Variants in DSCAML1 observed in about 807,000 individuals in gnomAD.
The protein encoded by DSCAML1 is cell adhesion molecule DSCAML1.
In DSCAML1, 38 loss-of-function variants were observed where a neutral mutation model predicts 200.5. That is an observed-to-expected ratio of 0.19 (90% CI 0.15 to 0.25). DSCAML1 has a LOEUF of 0.25. DSCAML1 is among the 10% of genes least tolerant of loss of function. The pLI is 1.00. For missense variants in DSCAML1, 2,223 were observed against 2,858.8 expected (o/e 0.78, Z 5.07); for synonymous variants, 1,215 against 1,165.0 (o/e 1.04, Z -0.87).
rs1000091292 is a variant in DSCAML1, at chr11:117,480,482, T to A, written c.2746A>T (p.Ile916Phe). The change falls in exon 14 of 33, where the codon ATC (isoleucine) becomes TTC (phenylalanine). Residue 916 changes from isoleucine (I) to phenylalanine (F), a missense_variant. Physicochemically the swap from Ile to Phe is conservative, Grantham distance 21. This residue lies in a region of DSCAML1 where 438 missense variants were observed against 629.7 expected (regional missense o/e 0.70). Coordinates refer to ENST00000651296, the MANE Select transcript of DSCAML1 (RefSeq NM_020693.4). This position sits in a 1 kb window ranked among gnomAD's most constrained non-coding sequence, Gnocchi z 4.1. ...RWTQRFDGNS[I>F]ITGFDIEYKN... ...TATTCAATGTCGAAGCCCGTGATGA[T>A]GCTGTTCCCGTCGAATCGCTGGGTC... 5.6e-6 allele frequency: 9 copies of A among 1,613,390 alleles called. No individual in the cohort carries two copies. Among genetic ancestry groups the A allele is most frequent in the Non-Finnish European group, 7.6e-6 (9 of 1,179,760 alleles).
At chr11:117,451,814 CAA>C (rs10579506) in intron 19 of DSCAML1, among the ~76,000 whole-genome samples, 13,012 of 148,350 alleles carry the variant, frequency 0.088, 729 homozygotes, top group South Asian at 0.17. Context: ...GACTCCGTCT[CAA>C]AAAAAAAAAA....
intron 3 of DSCAML1, among the ~76,000 whole-genome samples, chr11:117,774,007 C>T (rs1441929741): frequency 2.6e-5 from 4 of 152,222 alleles, no homozygotes; most frequent in Non-Finnish European, 5.9e-5. Context: ...TCAAAGACAG[C>T]CCTGAAGCAC....
chr11:117,613,964 G>T (rs2051755669), intron 3 of DSCAML1, among the ~76,000 whole-genome samples: 1 of 152,160 alleles, frequency 6.6e-6, no homozygotes. Context: ...CTGCTGGGGT[G>T]GGGCAGGGGT....
At chr11:117,648,703 C>T (rs1290953800) in intron 3 of DSCAML1, among the ~76,000 whole-genome samples, 1 of 152,188 alleles carries the variant, frequency 6.6e-6, no homozygotes, top group East Asian at 1.9e-4. Context: ...ACCTGGTGCA[C>T]ACTCTGCCTC....
At chr11:117,559,218 C>T (rs1362982319) in intron 3 of DSCAML1, among the ~76,000 whole-genome samples, 1 of 152,080 alleles carries the variant, frequency 6.6e-6, no homozygotes, top group Non-Finnish European at 1.5e-5. Flanking sequence ...TGGAAAATGC[C>T]GACCGCCATC....
chr11:117,512,144 C>T (rs1360633792), intron 8 of DSCAML1, among the ~76,000 whole-genome samples: 3 of 152,166 alleles, frequency 2.0e-5, no homozygotes, highest in Non-Finnish European at 4.4e-5. Flanking sequence ...CTCACACTTC[C>T]GGTGCTCTGT....
chr11:117,577,575 CT>C lies in DSCAML1; in HGVS notation c.512-45054del, dbSNP rs1158315772. On this transcript the variant is annotated intron_variant, in intron 3 of 32. Coordinates refer to ENST00000651296, the MANE Select transcript of DSCAML1 (RefSeq NM_020693.4). The stretch of plus-strand genomic sequence containing the variant: ...CCCTCCCTCCTTCCTTCTTTCCTTT[CT>C]TTTTTTTTTTGACGGAGCCTCGCTC... 4.3e-4 allele frequency among the ~76,000 whole-genome samples: 51 copies of C among 118,090 alleles called. 1 individual carries two copies. The highest frequency in any genetic ancestry group is 5.3e-4 in the Admixed American group (6 of 11,386). The allele number at this position is 118,090 out of a possible 152,430, so 77.5% of individuals were successfully genotyped here. A position where few individuals can be genotyped will look rare whatever the true frequency, so the allele number is the denominator to read the frequency against.
intron 19 of DSCAML1, among the ~76,000 whole-genome samples, chr11:117,453,339 T>A (rs577394459): frequency 1.8e-4 from 28 of 152,252 alleles, no homozygotes; most frequent in Non-Finnish European, 3.7e-4. Context: ...ATTTAATTGC[T>A]CTGCCTTTAC....
At chr11:117,550,575 G>T (rs1351757633) in intron 3 of DSCAML1, among the ~76,000 whole-genome samples, 1 of 152,172 alleles carries the variant, frequency 6.6e-6, no homozygotes, top group Non-Finnish European at 1.5e-5. Context: ...ATACAGTAAA[G>T]GTATAATAGA....
rs932151894 is a variant in DSCAML1, at chr11:117,567,564, G to A, written c.512-35042C>T. 2.2e-4 allele frequency among the ~76,000 whole-genome samples: 34 copies of A among 152,228 alleles called. 1 individual carries two copies. The highest frequency in any genetic ancestry group is 2.0e-4 in the Admixed American group (3 of 15,270). ...CTCTGATGGTAGTTTCTTTTGCTGT[G>A]CAGAAGCTCTTTAGAGAATACTATA... On this transcript the variant is annotated intron_variant, in intron 3 of 32. Transcript: ENST00000651296.
rs1053992167 is a variant in DSCAML1, at chr11:117,437,947, G to A, written c.4380C>T (p.Ser1460=). The change falls in exon 25 of 33, where the codon AGC becomes AGT. Residue 1460 remains serine (S), a synonymous_variant. Transcript: ENST00000651296. The surrounding 1 kb of genome is among the most constrained non-coding windows in gnomAD (Gnocchi z 5.3). ...TCTCGCTGATGCGCCCAGAGCCCAC[G>A]CTGTTCTTGGCTGCCAGCTTCACCT... The part of the protein sequence containing the change: ...WYKVKLAAKN[S]VGSGRISEII... 8 of 1,613,576 alleles carry A rather than the reference G, an allele frequency of 5.0e-6. No individual in the cohort carries two copies. The highest frequency in any genetic ancestry group is 2.7e-5 in the African/African-American group (2 of 74,910).
intron 3 of DSCAML1, among the ~76,000 whole-genome samples, chr11:117,733,850 T>C (rs982665328): frequency 1.3e-5 from 2 of 151,760 alleles, no homozygotes; most frequent in Non-Finnish European, 2.9e-5. Context: ...CAGGGACCAA[T>C]TGCATGCATG....
At chr11:117,656,098 C>T (rs914185689) in intron 3 of DSCAML1, among the ~76,000 whole-genome samples, 9 of 152,178 alleles carry the variant, frequency 5.9e-5, no homozygotes, top group East Asian at 1.9e-4. Context: ...ATTAGCTGGG[C>T]GTGGTGGCGT....
intron 3 of DSCAML1, among the ~76,000 whole-genome samples, chr11:117,727,678 C>G (rs1293749332): frequency 6.6e-6 from 1 of 152,182 alleles, no homozygotes; most frequent in Non-Finnish European, 1.5e-5. Context: ...GCAGGGAAGA[C>G]AAACAGTTAA....
At chr11:117,782,636 G>A (rs991270575) in intron 1 of DSCAML1, among the ~76,000 whole-genome samples, 8 of 152,282 alleles carry the variant, frequency 5.3e-5, no homozygotes, top group African/African-American at 1.4e-4. Flanking sequence ...GCAGCAAACC[G>A]AGGCTCGGGA....
chr11:117,512,985 G>C (rs974215342), intron 8 of DSCAML1, among the ~76,000 whole-genome samples: 1 of 152,120 alleles, frequency 6.6e-6, no homozygotes, highest in Non-Finnish European at 1.5e-5. Flanking sequence ...AGGACGTTCC[G>C]AGTCCTCTGA....
At chr11:117,431,784 G>A in intron 30 of DSCAML1, 56 bp from the exon 31 acceptor site, 1 of 1,483,250 alleles carries the variant, frequency 6.7e-7, no homozygotes, top group Non-Finnish European at 9.0e-7. Context: ...CCAGGCTTGG[G>A]CAGCTGGCAC....
intron 19 of DSCAML1, among the ~76,000 whole-genome samples, chr11:117,452,297 T>C (rs2048298564): frequency 6.6e-6 from 1 of 152,266 alleles, no homozygotes; most frequent in Non-Finnish European, 1.5e-5. Context: ...GCGATATTAT[T>C]GAGTACATTC....
At chr11:117,654,122 T>C (rs191019661) in intron 3 of DSCAML1, among the ~76,000 whole-genome samples, 94 of 152,332 alleles carry the variant, frequency 6.2e-4, no homozygotes, top group African/African-American at 2.2e-3. Context: ...TATTCTTCTA[T>C]GCAGATATGA....
Sources: allele counts gnomAD v4.1 joint callset (sites outside exome capture counted in the v4.1 genomes callset), GRCh38; gene constraint gnomAD v4.1.1; regional missense constraint gnomAD v4.1.1; non-coding constraint Gnocchi (gnomAD v3.1); transcripts MANE v1.5; gene names NCBI Gene and HGNC (gene_info 2026-07-23, HGNC 2026-07-21).